The following RALGPS1 variants were observed in gnomAD, a reference collection of about 807,000 sequenced individuals.
RALGPS1 encodes Ral GEF with PH domain and SH3 binding motif 1, also known as ras-specific guanine nucleotide-releasing factor RalGPS1.
A neutral mutation model predicts 78.8 loss-of-function variants in RALGPS1; 19 were observed. The observed-to-expected ratio is 0.24, with a 90% confidence interval of 0.17 to 0.35. RALGPS1 has a LOEUF of 0.35. RALGPS1 is among the 10% of genes least tolerant of loss of function. The probability of loss-of-function intolerance (pLI) is 1.00; values close to 1 mark genes in which losing one functional copy is unlikely to be tolerated. For missense variants in RALGPS1, 454 were observed against 688.3 expected (o/e 0.66, Z 3.81); for synonymous variants, 228 against 256.3 (o/e 0.89, Z 1.06).
At chr9:127,175,172 C>T (rs1170486885) in intron 11 of RALGPS1, among the ~76,000 whole-genome samples, 1 of 152,216 alleles carries the variant, frequency 6.6e-6, no homozygotes, top group Admixed American at 6.5e-5. Context: ...CGGAGGATGC[C>T]CAGGGTATCT....
chr9:127,216,428 T>C (rs1270861186), intron 18 of RALGPS1, among the ~76,000 whole-genome samples: 2 of 152,220 alleles, frequency 1.3e-5, no homozygotes, highest in Non-Finnish European at 2.9e-5. Context: ...AAGATGTGTT[T>C]AAGAATGTTC....
chr9:126,984,403 CTT>C (rs941178097), intron 4 of RALGPS1, among the ~76,000 whole-genome samples: 15 of 152,238 alleles, frequency 9.9e-5, no homozygotes, highest in African/African-American at 3.6e-4. Flanking sequence ...ACGCCTGACT[CTT>C]ATAGCTGAAA....
intron 8 of RALGPS1, among the ~76,000 whole-genome samples, chr9:127,152,668 C>T (rs190670627): frequency 2.0e-5 from 3 of 152,286 alleles, no homozygotes; most frequent in Admixed American, 2.0e-4. Flanking sequence ...TATTAAATTT[C>T]TTAGATCCTA....
intron 4 of RALGPS1, among the ~76,000 whole-genome samples, chr9:126,982,925 CTTCTTTTTTTTTT>C (rs1176540263): frequency 5.5e-5 from 3 of 54,648 alleles, no homozygotes; most frequent in South Asian, 1.2e-3. Context: ...TCTTCTTCTT[CTTCTTTTTTTTTT>C]TTTTTTTTTT....
intron 4 of RALGPS1, among the ~76,000 whole-genome samples, chr9:127,033,770 C>T (rs2046626780): frequency 6.6e-6 from 1 of 152,170 alleles, no homozygotes. Context: ...GGCTAAGAGC[C>T]AGCCTTACTG....
At chr9:127,197,674 A>G (rs974881985) in intron 13 of RALGPS1, among the ~76,000 whole-genome samples, 9 of 152,192 alleles carry the variant, frequency 5.9e-5, no homozygotes, top group African/African-American at 2.2e-4. Flanking sequence ...AGAGGAGGTC[A>G]TCCTGTTTGG....
At chr9:127,113,585 C>A (rs186350316) in intron 8 of RALGPS1, among the ~76,000 whole-genome samples, 116 of 129,070 alleles carry the variant, frequency 9.0e-4, no homozygotes, top group African/African-American at 3.2e-3. Context: ...TCACTTTTTT[C>A]CTGTGTCCAA....
intron 7 of RALGPS1, among the ~76,000 whole-genome samples, 197 bp downstream of exon 7, chr9:127,053,136 G>A (rs894458264): frequency 2.6e-5 from 4 of 152,212 alleles, no homozygotes; most frequent in African/African-American, 9.6e-5. Flanking sequence ...GAATGGTGAA[G>A]GTGCTGACGT....
chr9:126,955,152 T>G (rs1298282623), intron 1 of RALGPS1, among the ~76,000 whole-genome samples: 2 of 152,272 alleles, frequency 1.3e-5, no homozygotes, highest in Non-Finnish European at 2.9e-5. Context: ...TTTCATTTCT[T>G]TAAGGCATTT....
chr9:126,952,901 C>T (rs929023604), intron 1 of RALGPS1, among the ~76,000 whole-genome samples: 4 of 151,958 alleles, frequency 2.6e-5, no homozygotes, highest in Admixed American at 6.6e-5. Flanking sequence ...GTCCACACTG[C>T]GGAAGTGGGC....
chr9:127,130,724 C>A (rs906585339), intron 8 of RALGPS1, among the ~76,000 whole-genome samples: 1 of 152,192 alleles, frequency 6.6e-6, no homozygotes, highest in Non-Finnish European at 1.5e-5. Context: ...ACGGTAGATT[C>A]TTTTATTATT....
intron 4 of RALGPS1, among the ~76,000 whole-genome samples, chr9:126,996,569 C>T (rs925904419): frequency 1.2e-4 from 18 of 152,218 alleles, no homozygotes; most frequent in African/African-American, 4.3e-4. Context: ...AAGTCCAGGA[C>T]CAGATGGATT....
intron 4 of RALGPS1, among the ~76,000 whole-genome samples, chr9:126,995,479 A>C (rs537784528): frequency 6.6e-6 from 1 of 152,348 alleles, no homozygotes; most frequent in African/African-American, 2.4e-5. Flanking sequence ...AAGAAGAGCT[A>C]ACTATCCTAA....
intron 4 of RALGPS1, among the ~76,000 whole-genome samples, chr9:126,996,979 A>G (rs541931289): frequency 0.014 from 2,070 of 152,338 alleles, 49 homozygotes; most frequent in African/African-American, 0.047. Context: ...ACAAAATTCA[A>G]CAACGCTTCA....
intron 8 of RALGPS1, among the ~76,000 whole-genome samples, chr9:127,130,640 C>T (rs554764839): frequency 2.0e-5 from 3 of 152,230 alleles, no homozygotes; most frequent in Admixed American, 6.5e-5. Context: ...AAAGACAGTG[C>T]ATGTATTGAC....
At chr9:126,966,772 TA>T (rs1482505297) in intron 3 of RALGPS1, among the ~76,000 whole-genome samples, 2 of 152,008 alleles carry the variant, frequency 1.3e-5, no homozygotes, top group Non-Finnish European at 2.9e-5. Flanking sequence ...TTGGGCAATT[TA>T]AAAAAATATA....
chr9:127,014,747 C>T (rs2044663615), intron 4 of RALGPS1, among the ~76,000 whole-genome samples: 1 of 151,926 alleles, frequency 6.6e-6, no homozygotes, highest in South Asian at 2.1e-4. Context: ...TCCTCTAGGC[C>T]CATCATTTTT....
intron 10 of RALGPS1, among the ~76,000 whole-genome samples, chr9:127,172,229 T>C (rs1337003863): frequency 6.6e-6 from 1 of 152,262 alleles, no homozygotes; most frequent in Non-Finnish European, 1.5e-5. Flanking sequence ...CCGGCCTTGC[T>C]GGCTGCCCTC....
Position 127,214,734 on chromosome 9 carries a change from G to T in RALGPS1, c.1553-17G>T, listed in dbSNP as rs747765725. 1 of 1,600,002 alleles carries T rather than the reference G, an allele frequency of 6.2e-7. No homozygotes were observed. The highest frequency in any genetic ancestry group is 1.1e-5 in the South Asian group (1 of 88,362). On this transcript the variant is annotated splice_polypyrimidine_tract_variant and intron_variant, in intron 17 of 18. Coordinates refer to ENST00000259351, the MANE Select transcript of RALGPS1 (RefSeq NM_014636.3). ...TACGTGGCCCTCTTCTTAACTCATG[G>T]TTTCTCTACCCATCAGGCAATGTTT...
Sources: gnomAD v4.1 joint callset for allele counts (sites outside exome capture counted in the v4.1 genomes callset) on GRCh38, gnomAD v4.1.1 for gene constraint, MANE v1.5 for transcripts, NCBI Gene and HGNC (gene_info 2026-07-23, HGNC 2026-07-21) for gene names.